Variants in DYM observed in about 807,000 individuals in gnomAD.
DYM encodes dymeclin.
In DYM, 78 loss-of-function variants were observed where a neutral mutation model predicts 93.1. That is an observed-to-expected ratio of 0.84 (90% CI 0.70 to 1.01). The LOEUF is 1.01. Ranked by LOEUF, DYM falls within the 50% of genes least tolerant of loss-of-function variation. DYM has a pLI of 0.00. For missense variants in DYM, 789 were observed against 845.0 expected, an observed-to-expected ratio of 0.93 and a Z score of 0.82; for synonymous variants, 321 against 319.7, an observed-to-expected ratio of 1.00 and a Z score of -0.04.
Position 49,039,108 on chromosome 18 carries a change from T to A in DYM, c.*4947A>T, listed in dbSNP as rs149673728. 6.4e-4 allele frequency among the ~76,000 whole-genome samples: 97 copies of A among 152,358 alleles called. No individual in the cohort carries two copies. Among genetic ancestry groups the A allele is most frequent in the African/African-American group, 2.3e-3 (94 of 41,576 alleles). The stretch of plus-strand genomic sequence containing the variant: ...TTTTCCTTTAGGGTAGGCGTGCTGA[T>A]TAATTCTTCTAGCTGTTTCTCTAAA... On this transcript the variant is annotated 3_prime_UTR_variant, in exon 18 of 18. Coordinates refer to ENST00000675505, the MANE Select transcript of DYM (RefSeq NM_001353214.3).
chr18:49,414,585 C>G (rs2072687431), intron 2 of DYM, among the ~76,000 whole-genome samples: 1 of 152,124 alleles, frequency 6.6e-6, no homozygotes, highest in Non-Finnish European at 1.5e-5. Flanking sequence ...GGGCCTTTTG[C>G]TGCTCTTCTA....
intron 2 of DYM, among the ~76,000 whole-genome samples, chr18:49,409,302 A>G (rs1420986220): frequency 1.3e-5 from 2 of 151,644 alleles, no homozygotes; most frequent in Non-Finnish European, 2.9e-5. Flanking sequence ...AAAAAAAAGA[A>G]AAAAAAGAAA....
intron 2 of DYM, among the ~76,000 whole-genome samples, chr18:49,412,614 A>G (rs543872081): frequency 2.6e-5 from 4 of 152,158 alleles, no homozygotes; most frequent in Non-Finnish European, 5.9e-5. Flanking sequence ...TACAAAGAAA[A>G]AGTTAAAACA....
At chr18:49,150,232 C>T (rs765393403) in intron 15 of DYM, among the ~76,000 whole-genome samples, 1 of 152,126 alleles carries the variant, frequency 6.6e-6, no homozygotes, top group Non-Finnish European at 1.5e-5. Context: ...TAAGAGAGAT[C>T]ATATCTGATT....
At chr18:49,062,607 T>C (rs2076074310) in intron 17 of DYM, among the ~76,000 whole-genome samples, 1 of 152,240 alleles carries the variant, frequency 6.6e-6, no homozygotes, top group Admixed American at 6.5e-5. Context: ...TGCCCAGCCC[T>C]GACTGCCATG....
chr18:49,100,487 C>T (rs979536862), intron 16 of DYM, among the ~76,000 whole-genome samples: 6 of 152,042 alleles, frequency 3.9e-5, no homozygotes, highest in Admixed American at 1.3e-4. Flanking sequence ...ATTTCCATTT[C>T]CACTGGGAGA....
chr18:49,384,915 T>C lies in DYM; in HGVS notation c.194-5157A>G, dbSNP rs536340981. On this transcript the variant is annotated intron_variant, in intron 3 of 17. Transcript: ENST00000675505. ...CTAAAACACAAAATCAGAGCCATAATGAAAAAAAGAAAAAAAAAAACCTTC... is the reference window on the plus strand; with the variant it reads ...CTAAAACACAAAATCAGAGCCATAACGAAAAAAAGAAAAAAAAAAACCTTC... Among the ~76,000 whole-genome samples the C allele has an allele frequency of 6.9e-5, 10 of 144,842 alleles. No homozygotes were observed. The South Asian group carries it at 8.7e-4, about 13-fold the overall frequency.
At chr18:49,090,516 G>A (rs924064451) in intron 17 of DYM, among the ~76,000 whole-genome samples, 1 of 152,264 alleles carries the variant, frequency 6.6e-6, no homozygotes, top group African/African-American at 2.4e-5. Flanking sequence ...TTAGTCTGAA[G>A]AAGAGGTTTT....
At chr18:49,359,362 C>G (rs991363706) in intron 6 of DYM, among the ~76,000 whole-genome samples, 15 of 152,030 alleles carry the variant, frequency 9.9e-5, no homozygotes, top group Non-Finnish European at 1.5e-4. Context: ...AGGAAGGACT[C>G]CTGAAAGATG....
chr18:49,055,776 C>A (rs1269723824), intron 17 of DYM, among the ~76,000 whole-genome samples: 1 of 152,232 alleles, frequency 6.6e-6, no homozygotes, highest in Non-Finnish European at 1.5e-5. Context: ...AATTCCCTTT[C>A]TTGGACAAAG....
chr18:49,450,659 G>C (rs1410612641), intron 1 of DYM, among the ~76,000 whole-genome samples: 1 of 152,162 alleles, frequency 6.6e-6, no homozygotes, highest in East Asian at 1.9e-4. Flanking sequence ...AGTCACATTA[G>C]AATTGCCAAA....
intron 15 of DYM, among the ~76,000 whole-genome samples, chr18:49,160,647 A>G (rs1045508192): frequency 2.6e-5 from 4 of 151,290 alleles, no homozygotes; most frequent in Non-Finnish European, 5.9e-5. Context: ...TTCCTTTTTC[A>G]TCTTTTACCA....
In DYM at chr18:49,429,483, C is replaced by T. The variant is rs1770006015; in HGVS notation, c.140+772G>A. Among the ~76,000 whole-genome samples, 5 of 152,148 alleles carry T rather than the reference C, an allele frequency of 3.3e-5. No homozygotes were observed. In the South Asian group the frequency reaches 1.0e-3, roughly 31 times the overall value. On this transcript the variant is annotated intron_variant, in intron 2 of 17. Transcript: ENST00000675505. ...TTCATTCTTCATTATTATTGTCTGA[C>T]AGTTTTTGTAATAGAATTAAATATG...
chr18:49,098,731 C>T (rs557012304), intron 16 of DYM, among the ~76,000 whole-genome samples: 7 of 152,270 alleles, frequency 4.6e-5, no homozygotes, highest in Admixed American at 1.3e-4. Context: ...TTCCCCATGT[C>T]GGATTTTAAG....
chr18:49,447,986 T>C (rs1055051160), intron 1 of DYM, among the ~76,000 whole-genome samples: 10 of 151,958 alleles, frequency 6.6e-5, no homozygotes, highest in African/African-American at 2.2e-4. Flanking sequence ...GTCTAGAGAG[T>C]ATGTGGTGTT....
intron 15 of DYM, among the ~76,000 whole-genome samples, chr18:49,143,724 T>A (rs1408169538): frequency 3.9e-5 from 6 of 152,190 alleles, no homozygotes; most frequent in Non-Finnish European, 7.4e-5. Flanking sequence ...GCCAAGCATA[T>A]TCATACGCTG....
chr18:49,202,317 T>A (rs935342410), intron 14 of DYM, among the ~76,000 whole-genome samples: 3 of 151,912 alleles, frequency 2.0e-5, no homozygotes, highest in South Asian at 2.1e-4. Context: ...TCTAGGGGAG[T>A]GCAGTGGCGT....
intron 13 of DYM, among the ~76,000 whole-genome samples, chr18:49,223,674 A>G (rs1047152002): frequency 5.9e-5 from 9 of 152,108 alleles, no homozygotes; most frequent in African/African-American, 2.2e-4. Flanking sequence ...CTTGAAATAG[A>G]TGAGATTTTG....
At chr18:49,457,225 A>G (rs66622242) in intron 1 of DYM, among the ~76,000 whole-genome samples, 31,644 of 152,054 alleles carry the variant, frequency 0.21, 3,382 homozygotes, top group Middle Eastern at 0.28. Context: ...TTGCTGCTGA[A>G]ATGGGGGTGC....
Sources: allele counts gnomAD v4.1 joint callset (sites outside exome capture counted in the v4.1 genomes callset), GRCh38; gene constraint gnomAD v4.1.1; transcripts MANE v1.5; gene names NCBI Gene and HGNC (gene_info 2026-07-23, HGNC 2026-07-21).